The following DAB2 variants were observed in gnomAD, a reference collection of about 807,000 sequenced individuals.
DAB2 encodes DAB adaptor protein 2.
In DAB2, 28 loss-of-function variants were observed where a neutral mutation model predicts 71.6. The observed-to-expected ratio is 0.39, with a 90% confidence interval of 0.29 to 0.54. The LOEUF (loss-of-function observed/expected upper bound fraction) is 0.54. Ranked by LOEUF, DAB2 falls within the 20% of genes least tolerant of loss-of-function variation. The pLI is 0.68. For synonymous variants in DAB2, 345 were observed against 339.7 expected (o/e 1.02, Z -0.17); for missense variants, 867 against 928.8 (o/e 0.93, Z 0.86).
chr5:39,420,124 G>C (rs78281621), intron 1 of DAB2, among the ~76,000 whole-genome samples: 2,252 of 152,292 alleles, frequency 0.015, 43 homozygotes, highest in African/African-American at 0.052. Flanking sequence ...GCTGGTTTGG[G>C]AATCAGCTCT....
intron 1 of DAB2, among the ~76,000 whole-genome samples, chr5:39,399,727 C>T (rs912221015): frequency 2.0e-5 from 3 of 152,184 alleles, no homozygotes; most frequent in African/African-American, 7.2e-5. Flanking sequence ...CATGAGTCAT[C>T]TTAGAATGAC....
intron 1 of DAB2, among the ~76,000 whole-genome samples, chr5:39,421,700 C>T (rs1242462575): frequency 1.3e-5 from 2 of 152,026 alleles, no homozygotes; most frequent in African/African-American, 2.4e-5. Context: ...CCAGTTAATC[C>T]AGTCAGGATA....
chr5:39,400,186 A>G (rs1755464443), intron 1 of DAB2, among the ~76,000 whole-genome samples: 1 of 151,924 alleles, frequency 6.6e-6, no homozygotes, highest in African/African-American at 2.4e-5. Flanking sequence ...TATACCAACC[A>G]CTAAGAACAC....
rs370020116 is a variant in DAB2, at chr5:39,413,413, T to C, written c.-102+11391A>G. Among the ~76,000 whole-genome samples, 14 of 152,130 alleles carry C rather than the reference T, an allele frequency of 9.2e-5. No homozygotes were observed. In the South Asian group the frequency reaches 1.4e-3, roughly 16 times the overall value. On this transcript the variant is annotated intron_variant, in intron 1 of 14. Coordinates refer to ENST00000320816, the MANE Select transcript of DAB2 (RefSeq NM_001343.4). ...AGGCCATTATGTCTTACACCCTACA[T>C]TCTAAGATCGATTTCATCATACAAA...
At chr5:39,402,793 C>G (rs534158401) in intron 1 of DAB2, among the ~76,000 whole-genome samples, 1 of 152,214 alleles carries the variant, frequency 6.6e-6, no homozygotes, top group African/African-American at 2.4e-5. Context: ...CTGCTCAGCT[C>G]TGCCTTCTGA....
At chr5:39,391,960 G>A (rs1342287186) in intron 4 of DAB2, among the ~76,000 whole-genome samples, 7 of 49,768 alleles carry the variant, frequency 1.4e-4, no homozygotes, top group East Asian at 5.8e-4. Flanking sequence ...CTGTATACCC[G>A]AGGTCAAAAA....
intron 9 of DAB2, among the ~76,000 whole-genome samples, chr5:39,384,065 C>T (rs938742970): frequency 1.3e-5 from 2 of 152,190 alleles, no homozygotes; most frequent in Non-Finnish European, 2.9e-5. Flanking sequence ...GTCAATCACA[C>T]ATTAAGATCT....
At chr5:39,420,744 T>A (rs1333046413) in intron 1 of DAB2, among the ~76,000 whole-genome samples, 2 of 152,194 alleles carry the variant, frequency 1.3e-5, no homozygotes, top group African/African-American at 4.8e-5. Context: ...GAGGGGGTGA[T>A]ATAAGTAGAG....
chr5:39,393,397 A>G lies in DAB2; in HGVS notation c.92-4T>C. The G allele has an allele frequency of 1.9e-6, 3 of 1,613,770 alleles. No homozygotes were observed. The highest frequency in any genetic ancestry group is 2.5e-6 in the Non-Finnish European group (3 of 1,179,846). ...TATTCATCTGTCTTTTCAGGGCCTG[A>G]GAAAAGAAAGGAATACAGGATGAAG... On this transcript the variant is annotated splice_polypyrimidine_tract_variant and splice_region_variant and intron_variant, in intron 2 of 14. Coordinates refer to ENST00000320816, the MANE Select transcript of DAB2 (RefSeq NM_001343.4).
intron 5 of DAB2, 97 bp from the exon 6 acceptor site, chr5:39,390,029 T>A: frequency 1.1e-6 from 1 of 931,120 alleles, no homozygotes; most frequent in South Asian, 1.9e-5. Context: ...ATTTTTTTTT[T>A]AATCTTAAAA....
At chr5:39,379,201 C>G (rs112488382) in intron 11 of DAB2, among the ~76,000 whole-genome samples, 1 of 152,056 alleles carries the variant, frequency 6.6e-6, no homozygotes, top group Non-Finnish European at 1.5e-5. Context: ...CACCTGTAAT[C>G]CCAGCACTTT....
At chr5:39,388,423 T>C in intron 8 of DAB2, 56 bp from the exon 9 acceptor site, 1 of 1,175,616 alleles carries the variant, frequency 8.5e-7, no homozygotes, top group Non-Finnish European at 1.3e-6. Context: ...GATTACTTCG[T>C]ATATTGTAAT....
At chr5:39,389,301 G>A (rs1755169492) in intron 6 of DAB2, among the ~76,000 whole-genome samples, 178 bp from the exon 7 acceptor site, 1 of 152,040 alleles carries the variant, frequency 6.6e-6, no homozygotes, top group Admixed American at 6.5e-5. Context: ...AGAGTTACTG[G>A]ATTTAAACTT....
At position 39,372,635 on chromosome 5, in the gene DAB2, T is replaced by C. The variant is rs1402579040; in HGVS notation, c.*796A>G. 6.6e-6 allele frequency: 1 copy of C among 151,986 alleles called. No individual in the cohort carries two copies. The highest frequency in any genetic ancestry group is 6.6e-5 in the Admixed American group (1 of 15,260). 9.4% of individuals were successfully genotyped at this position (151,986 alleles called of 1,614,324 possible). A position where few individuals can be genotyped will look rare whatever the true frequency, so the allele number is the denominator to read the frequency against. On this transcript the variant is annotated 3_prime_UTR_variant, in exon 15 of 15. Transcript: ENST00000320816. ...CTGTCTGTGAATCATTAGATTTTTT[T>C]TTTTTTTTGCCCTGTGAGAGTCTGT... is the stretch of plus-strand genomic sequence containing the variant.
chr5:39,392,099 A>T, intron 4 of DAB2: 1 of 156,512 alleles, frequency 6.4e-6, no homozygotes, highest in South Asian at 2.0e-4. Context: ...ATATATTTAT[A>T]TATTATAGAC....
At chr5:39,404,682 G>T (rs1353398281) in intron 1 of DAB2, among the ~76,000 whole-genome samples, 1 of 151,974 alleles carries the variant, frequency 6.6e-6, no homozygotes, top group African/African-American at 2.4e-5. Flanking sequence ...GGGTTCAAGC[G>T]ATTCCCCTGC....
In DAB2 at chr5:39,388,422, G is replaced by A. The variant is rs767735831; in HGVS notation, c.625-55C>T. The stretch of plus-strand genomic sequence containing the variant: ...TGTGTCTACTAAAAAAGATTACTTC[G>A]TATATTGTAATCATTTGTTTCCTAA... On this transcript the variant is annotated intron_variant, in intron 8 of 14. Coordinates refer to ENST00000320816, the MANE Select transcript of DAB2 (RefSeq NM_001343.4). 127 of 1,184,682 alleles carry A rather than the reference G, an allele frequency of 1.1e-4. 1 individual carries two copies. The highest frequency in any genetic ancestry group is 3.5e-4 in the East Asian group (15 of 42,872). The allele number at this position is 1,184,682 out of a possible 1,614,324, so 73.4% of individuals were successfully genotyped here.
chr5:39,409,856 T>A (rs1470885038), intron 1 of DAB2, among the ~76,000 whole-genome samples: 3 of 152,182 alleles, frequency 2.0e-5, no homozygotes. Flanking sequence ...CCTCTACAGA[T>A]AAGATTAAAG....
intron 1 of DAB2, chr5:39,417,191 A>C (rs1755867596): frequency 6.6e-6 from 1 of 152,046 alleles, no homozygotes; most frequent in Non-Finnish European, 1.5e-5. Context: ...AGAAATACCT[A>C]ATGTAGGTGA....
Sources: gnomAD v4.1 joint callset for allele counts (sites outside exome capture counted in the v4.1 genomes callset) on GRCh38, gnomAD v4.1.1 for gene constraint, MANE v1.5 for transcripts, NCBI Gene and HGNC (gene_info 2026-07-23, HGNC 2026-07-21) for gene names.